The following EML6 variants were observed in gnomAD, a reference collection of about 807,000 sequenced individuals.
EML6 encodes the protein echinoderm microtubule-associated protein-like 6.
A neutral mutation model predicts 240.1 loss-of-function variants in EML6; 154 were observed. The ratio of observed to expected loss-of-function variants is 0.64; its 90% CI spans 0.56 to 0.73. The LOEUF is 0.73. Ranked by LOEUF, EML6 falls within the 30% of genes least tolerant of loss-of-function variation. The pLI is 0.00. For synonymous variants in EML6, 1,148 were observed against 899.0 expected, an observed-to-expected ratio of 1.28 and a Z score of -4.95; for missense variants, 2,964 against 2,474.6, an observed-to-expected ratio of 1.20 and a Z score of -4.20.
intron 2 of EML6, among the ~76,000 whole-genome samples, chr2:54,805,806 T>A (rs183783763): frequency 3.3e-5 from 5 of 152,232 alleles, no homozygotes; most frequent in Non-Finnish European, 5.9e-5. Flanking sequence ...TTAGCTCTTA[T>A]ACTTTTTGAG....
At chr2:54,952,420 A>G (rs545385162) in intron 30 of EML6, among the ~76,000 whole-genome samples, 174 bp from the exon 31 acceptor site, 2 of 152,258 alleles carry the variant, frequency 1.3e-5, no homozygotes, top group East Asian at 1.9e-4. Context: ...GAATATGAAC[A>G]TTCCAAAAAA....
intron 24 of EML6, among the ~76,000 whole-genome samples, chr2:54,907,937 T>TA (rs375826094): frequency 7.4e-3 from 287 of 38,772 alleles, no homozygotes; most frequent in East Asian, 0.02. Context: ...GATAGATAGA[T>TA]AGATAGATAA....
intron 11 of EML6, among the ~76,000 whole-genome samples, chr2:54,856,568 G>A (rs1268804393): frequency 6.6e-6 from 1 of 152,228 alleles, no homozygotes; most frequent in Non-Finnish European, 1.5e-5. Context: ...TTGGATCTTA[G>A]ATCTTGGAGG....
rs1407026227 is a variant in EML6 at position 54,827,682 on chromosome 2, T to G, written c.642T>G (p.Gly214=). 1 of 1,551,558 alleles carries G rather than the reference T, an allele frequency of 6.4e-7. No homozygotes were observed. Among genetic ancestry groups the G allele is most frequent in the Non-Finnish European group, 8.7e-7 (1 of 1,146,952 alleles). ...ACAKEDITYS[G]ALNGDIYVWK... ...CCAAAGAAGACATCACCTACTCTGG[T>G]GCTTTAAATGGTGACATCTATGTCT... Residue 214 remains glycine, a synonymous_variant, in exon 6 of 42, where the codon GGT becomes GGG. Transcript: ENST00000356458.
chr2:54,944,847 G>A (rs900205951), intron 28 of EML6, among the ~76,000 whole-genome samples: 3 of 152,024 alleles, frequency 2.0e-5, no homozygotes, highest in Non-Finnish European at 2.9e-5. Context: ...ACAGAGTCCA[G>A]TTCTGAAGAA....
At chr2:54,906,580 G>C (rs1056256610) in intron 24 of EML6, among the ~76,000 whole-genome samples, 2 of 152,226 alleles carry the variant, frequency 1.3e-5, no homozygotes, top group African/African-American at 4.8e-5. Context: ...AAGCCACCAT[G>C]CTTCTCATTG....
At chr2:54,930,704 T>C (rs1014690788) in intron 28 of EML6, among the ~76,000 whole-genome samples, 2 of 152,136 alleles carry the variant, frequency 1.3e-5, no homozygotes, top group East Asian at 3.9e-4. Context: ...TAGGTAACTT[T>C]AAAAGCCTTG....
chr2:54,762,216 A>G (rs1420950075), intron 2 of EML6, among the ~76,000 whole-genome samples: 1 of 151,912 alleles, frequency 6.6e-6, no homozygotes, highest in African/African-American at 2.4e-5. Flanking sequence ...TCTTTTACTG[A>G]ATGTCCCTCA....
chr2:54,895,785 T>C (rs7595599), intron 21 of EML6, among the ~76,000 whole-genome samples: 58,629 of 151,948 alleles, frequency 0.39, 11,710 homozygotes, highest in Middle Eastern at 0.46. Flanking sequence ...CTTTTTTTTT[T>C]CTTGCTGGCT....
At chr2:54,962,490 G>A (rs1361598603) in intron 35 of EML6, 33 bp from the exon 36 acceptor site, 2 of 1,490,006 alleles carry the variant, frequency 1.3e-6, no homozygotes, top group Admixed American at 2.1e-5. Context: ...TACAGTATTT[G>A]TCCTTTTTCT....
At chr2:54,757,301 T>C (rs772771435) in intron 2 of EML6, among the ~76,000 whole-genome samples, 3 of 152,072 alleles carry the variant, frequency 2.0e-5, no homozygotes, top group Non-Finnish European at 2.9e-5. Context: ...TGAAAGCAAA[T>C]TGGGAGCTCT....
chr2:54,858,247 C>G (rs1236273852), intron 11 of EML6, among the ~76,000 whole-genome samples: 1 of 152,208 alleles, frequency 6.6e-6, no homozygotes, highest in African/African-American at 2.4e-5. Flanking sequence ...TATAGAGATC[C>G]AAGAAAGACA....
chr2:54,825,437 T>G (rs1409659961), intron 5 of EML6, among the ~76,000 whole-genome samples: 1 of 152,140 alleles, frequency 6.6e-6, no homozygotes, highest in African/African-American at 2.4e-5. Context: ...CCAGGCTAAT[T>G]ATTTTTGTAG....
At position 54,903,034 on chromosome 2, in the gene EML6, T is replaced by G; in HGVS notation, c.3125-10T>G. On this transcript the variant is annotated splice_polypyrimidine_tract_variant and intron_variant, in intron 22 of 41. Transcript: ENST00000356458. Reference sequence around the variant, plus strand: ...TGGATAATAAGTGTTTTTTGTGGATTCTTCTGTAGGTGGAAGATGCTGTGC... The same window carrying G: ...TGGATAATAAGTGTTTTTTGTGGATGCTTCTGTAGGTGGAAGATGCTGTGC... The G allele has an allele frequency of 1.3e-6, 2 of 1,545,716 alleles. No individual in the cohort carries two copies. The highest frequency in any genetic ancestry group is 1.7e-6 in the Non-Finnish European group (2 of 1,145,364).
In EML6 at chr2:54,892,593, T is replaced by A; in HGVS notation, c.2679T>A (p.Ile893=). Residue 893 remains isoleucine, a synonymous_variant, in exon 19 of 42, where the codon ATT becomes ATA. Transcript: ENST00000356458. ...GAGATATTTTTATTTGGAAAGACAT[T>A]CTACTACTGAAGACAGTGAAAGCTC... ...ATGDIFIWKD[I]LLLKTVKAHD... is the part of the protein sequence containing the mutation. 6.4e-7 allele frequency: 1 copy of A among 1,551,740 alleles called. No individual in the cohort carries two copies. Among genetic ancestry groups the A allele is most frequent in the African/African-American group, 1.4e-5 (1 of 73,144 alleles).
At chr2:54,829,567 T>A in intron 7 of EML6, 90 bp downstream of exon 7, 1 of 997,598 alleles carries the variant, frequency 1.0e-6, no homozygotes, top group Non-Finnish European at 1.4e-6. Flanking sequence ...TACCCCATTT[T>A]AAAAAGGCAG....
chr2:54,817,683 G>A (rs955553190), intron 4 of EML6, among the ~76,000 whole-genome samples: 3 of 152,056 alleles, frequency 2.0e-5, no homozygotes, highest in African/African-American at 4.8e-5. Context: ...TCTTAAGAAC[G>A]TTTACAAATT....
At chr2:54,844,325 G>A in intron 8 of EML6, 77 bp downstream of exon 8, 4 of 1,135,246 alleles carry the variant, frequency 3.5e-6, no homozygotes, top group South Asian at 2.7e-5. Context: ...TTAATAGAAG[G>A]ATAAAGTGCA....
At chr2:54,947,737 T>C (rs910334180) in intron 28 of EML6, among the ~76,000 whole-genome samples, 1 of 152,204 alleles carries the variant, frequency 6.6e-6, no homozygotes, top group African/African-American at 2.4e-5. Flanking sequence ...CGGGAAGCAT[T>C]GACAAAGCTT....
Sources: gnomAD v4.1 joint callset for allele counts (sites outside exome capture counted in the v4.1 genomes callset) on GRCh38, gnomAD v4.1.1 for gene constraint, MANE v1.5 for transcripts, NCBI Gene and HGNC (gene_info 2026-07-23, HGNC 2026-07-21) for gene names.